Variants in KMT2D observed in about 807,000 individuals in gnomAD.
The protein encoded by KMT2D is lysine methyltransferase 2D, also known as histone-lysine N-methyltransferase 2D.
A neutral mutation model predicts 512.7 loss-of-function variants in KMT2D; 55 were observed. The ratio of observed to expected loss-of-function variants is 0.11; its 90% CI spans 0.09 to 0.13. The LOEUF (loss-of-function observed/expected upper bound fraction) is 0.13, where lower values mean the gene tolerates loss of function less well. KMT2D is among the 10% of genes least tolerant of loss of function. The pLI is 1.00. For missense variants in KMT2D, 6,061 were observed against 7,127.9 expected, an observed-to-expected ratio of 0.85 and a Z score of 5.39; for synonymous variants, 2,995 against 2,904.0, an observed-to-expected ratio of 1.03 and a Z score of -1.01.
rs1937916546 is a variant in KMT2D at position 49,050,715 on chromosome 12, T to C, written c.2873A>G (p.Glu958Gly). The C allele has an allele frequency of 1.2e-6, 2 of 1,613,472 alleles. No individual in the cohort carries two copies. Among genetic ancestry groups the C allele is most frequent in the Non-Finnish European group, 8.5e-7 (1 of 1,179,722 alleles). ...PPALSPLGEL[E>G]YPFGAKGDSD... ...GTCCCCTTTGGCACCAAAGGGGTAC[T>C]CTAACTCCCCCAAAGGAGACAGGGC... Residue 958 changes from glutamate (E) to glycine (G), a missense_variant, in exon 12 of 55, where the codon GAG becomes GGG. Physicochemically the swap from Glu to Gly is moderately conservative, Grantham distance 98. Transcript: ENST00000301067.
chr12:49,049,387 T>A (rs368796205), intron 12 of KMT2D, among the ~76,000 whole-genome samples, 169 bp from the exon 13 acceptor site: 1 of 152,148 alleles, frequency 6.6e-6, no homozygotes, highest in Admixed American at 6.5e-5. Flanking sequence ...AACAAGCGCA[T>A]AGCTCTAGCC....
Position 49,049,353 on chromosome 12 carries a change from G to A in KMT2D, c.3907-135C>T, listed in dbSNP as rs566752856. The A allele has an allele frequency of 2.0e-4, 127 of 631,824 alleles. 1 individual carries two copies. In the South Asian group the frequency reaches 2.8e-3, roughly 14 times the overall value. 39.1% of individuals were successfully genotyped at this position (631,824 alleles called of 1,614,324 possible). ...CCCAGGAGTCCCACTCAGGGCAAGG[G>A]AAAAGGCCAAACTCCCAGATATCAA... On this transcript the variant is annotated intron_variant, in intron 12 of 54. Transcript: ENST00000301067.
At position 49,041,394 on chromosome 12, in the gene KMT2D, T is replaced by C; in HGVS notation, c.6376A>G (p.Ile2126Val). The change falls in exon 32 of 55, where the codon ATT becomes GTT. Residue 2126 changes from isoleucine to valine, a missense_variant. This residue lies in a region of KMT2D where 710 missense variants were observed against 647.3 expected (regional missense o/e 1.10). Coordinates refer to ENST00000301067, the MANE Select transcript of KMT2D (RefSeq NM_003482.4). This position sits in a 1 kb window ranked among gnomAD's most constrained non-coding sequence, Gnocchi z 5.4. ...PPPAAAPTIF[I>V]GSPTTPAGLS... ...CCGGCGGGGGTAGTGGGGCTGCCAA[T>C]GAAAATGGTGGGGGCAGCAGCGGGG... 1.2e-6 allele frequency: 2 copies of C among 1,600,734 alleles called. No individual in the cohort carries two copies. Among genetic ancestry groups the C allele is most frequent in the Middle Eastern group, 1.7e-4 (1 of 5,982 alleles).
chr12:49,037,069 T>A (rs1346675782), intron 35 of KMT2D, 56 bp downstream of exon 35: 8 of 1,517,910 alleles, frequency 5.3e-6, no homozygotes, highest in Non-Finnish European at 8.8e-7. Context: ...CAGTGCCCAT[T>A]TAGGGATAAC....
chr12:49,033,675 A>G lies in KMT2D; in HGVS notation c.11030T>C (p.Leu3677Pro). ...QPGGPFLNTA[L>P]AQQQQQQHSG... ...ATGTTGCTGTTGCTGCTGTTGGGCC[A>G]GAGCTGTATTAAGGAAGGGGCCACC... Residue 3677 changes from leucine to proline, a missense_variant, in exon 40 of 55, where the codon CTG (leucine) becomes CCG (proline). Transcript: ENST00000301067. 1 of 1,613,658 alleles carries G rather than the reference A, an allele frequency of 6.2e-7. No homozygotes were observed. Among genetic ancestry groups the G allele is most frequent in the Non-Finnish European group, 8.5e-7 (1 of 1,179,846 alleles).
Position 49,046,884 on chromosome 12 carries a change from T to C in KMT2D, c.4237-94A>G, listed in dbSNP as rs569971756. ...TTTGGAGATGGAGTTTTGCTCTTGT[T>C]CCCCAGGCTGGAGTGCAATGGCGCG... On this transcript the variant is annotated intron_variant, in intron 15 of 54. Coordinates refer to ENST00000301067, the MANE Select transcript of KMT2D (RefSeq NM_003482.4). This position sits in a 1 kb window ranked among gnomAD's most constrained non-coding sequence, Gnocchi z 4.2. The C allele has an allele frequency of 1.6e-6, 2 of 1,216,688 alleles. No individual in the cohort carries two copies. Among genetic ancestry groups the C allele is most frequent in the African/African-American group, 1.5e-5 (1 of 65,600 alleles). 75.4% of individuals were successfully genotyped at this position (1,216,688 alleles called of 1,614,324 possible).
Position 49,022,259 on chromosome 12 carries a change from T to G in KMT2D, c.16412+21A>C, listed in dbSNP as rs1403325499. On this transcript the variant is annotated intron_variant, in intron 53 of 54. Coordinates refer to ENST00000301067, the MANE Select transcript of KMT2D (RefSeq NM_003482.4). The surrounding 1 kb of genome is among the most constrained non-coding windows in gnomAD (Gnocchi z 8.6). ...CCACTCTCAGGGACCACTAAATCCC[T>G]CCTTCCTCGTCATCTCTCACCTGGC... 4 of 1,589,648 alleles carry G rather than the reference T, an allele frequency of 2.5e-6. No homozygotes were observed. The South Asian group carries it at 4.5e-5, about 18-fold the overall frequency.
Position 49,022,273 on chromosome 12 carries a change from C to T in KMT2D, c.16412+7G>A, listed in dbSNP as rs1323404425. On this transcript the variant is annotated splice_region_variant and intron_variant, in intron 53 of 54. Transcript: ENST00000301067. The surrounding 1 kb of genome is among the most constrained non-coding windows in gnomAD (Gnocchi z 8.6). ...CACTAAATCCCTCCTTCCTCGTCAT[C>T]TCTCACCTGGCAGGGCCGCCGGTCA... is the stretch of plus-strand genomic sequence containing the variant. 1 of 1,604,794 alleles carries T rather than the reference C, an allele frequency of 6.2e-7. No individual in the cohort carries two copies. The highest frequency in any genetic ancestry group is 2.2e-5 in the East Asian group (1 of 44,598).
Position 49,022,863 on chromosome 12 carries a change from C to A in KMT2D, c.16065G>T (p.Leu5355=), listed in dbSNP as rs1166258271. 6.2e-7 allele frequency: 1 copy of A among 1,601,712 alleles called. No homozygotes were observed. The highest frequency in any genetic ancestry group is 1.3e-5 in the African/African-American group (1 of 74,864). ...ILTHYKRPHT[L]NSTSMSKAYQ... The stretch of plus-strand genomic sequence containing the variant: ...ATGCCTTAGACATGCTGGTGCTGTT[C>A]AGGGTATGGGGCCTGGGAGGTGATA... The change falls in exon 52 of 55, where the codon CTG becomes CTT. Residue 5355 remains leucine (L), a synonymous_variant. Transcript: ENST00000301067. The surrounding 1 kb of genome is among the most constrained non-coding windows in gnomAD (Gnocchi z 8.6).
Position 49,040,842 on chromosome 12 carries a change from G to A in KMT2D, c.6928C>T (p.Pro2310Ser), listed in dbSNP as rs1943481125. 6.2e-7 allele frequency: 1 copy of A among 1,613,676 alleles called. No individual in the cohort carries two copies. Among genetic ancestry groups the A allele is most frequent in the Non-Finnish European group, 8.5e-7 (1 of 1,179,770 alleles). Residue 2310 changes from proline to serine, a missense_variant, in exon 32 of 55, where the codon CCC becomes TCC. Transcript: ENST00000301067. ...GPPNLGFVDS[P>S]SSGTHLGGLE... Reference sequence around the variant, plus strand: ...CCACCCAGGTGGGTGCCTGAGGAGGGTGAGTCAACAAAGCCCAGGTTTGGG... The same window carrying A: ...CCACCCAGGTGGGTGCCTGAGGAGGATGAGTCAACAAAGCCCAGGTTTGGG...
intron 46 of KMT2D, 145 bp downstream of exon 46, chr12:49,028,683 C>T (rs1267637817): frequency 1.8e-6 from 2 of 1,092,768 alleles, no homozygotes; most frequent in Admixed American, 5.3e-5. Flanking sequence ...TTACCCGAAT[C>T]TCACAGCCTC....
Position 49,045,966 on chromosome 12 carries a change from C to T in KMT2D, c.4695G>A (p.Ala1565=), listed in dbSNP as rs368762696. Residue 1565 remains alanine, a splice_region_variant and synonymous_variant, in exon 19 of 55, where the codon GCG becomes GCA. Transcript: ENST00000301067. The part of the protein sequence containing the change: ...SCQPYVVKPV[A]PVAPPELVPM... ...GCACCAGCTCTGGAGGTGCAACAGGCGCTATGGAGAGAAGGACAAACGGAG... is the reference window on the plus strand; with the variant it reads ...GCACCAGCTCTGGAGGTGCAACAGGTGCTATGGAGAGAAGGACAAACGGAG... 79 of 1,613,944 alleles carry T rather than the reference C, an allele frequency of 4.9e-5. 1 individual carries two copies. The highest frequency in any genetic ancestry group is 2.5e-4 in the African/African-American group (19 of 75,044).
In KMT2D at chr12:49,037,164, T is replaced by C. The variant is rs75937132; in HGVS notation, c.10192A>G (p.Met3398Val). Residue 3398 changes from methionine to valine, a missense_variant, in exon 35 of 55, where the codon ATG (methionine) becomes GTG (valine). Met to Val is a conservative substitution (Grantham distance 21, BLOSUM62 1). Coordinates refer to ENST00000301067, the MANE Select transcript of KMT2D (RefSeq NM_003482.4). ...SMCMKPQQLA[M>V]QQQLANSFFP... ...AAGCTGTTTGCCAGCTGCTGCTGCA[T>C]TGCCAATTGCTGCGGCTTCATGCAC... 16,724 of 1,592,154 alleles carry C rather than the reference T, an allele frequency of 0.011. 101 individuals carry two copies. Among genetic ancestry groups the C allele is most frequent in the Non-Finnish European group, 0.012 (14,437 of 1,164,070 alleles).
At chr12:49,047,648 A>C (rs555445191) in intron 15 of KMT2D, among the ~76,000 whole-genome samples, 8 of 151,782 alleles carry the variant, frequency 5.3e-5, no homozygotes, top group Non-Finnish European at 1.2e-4. Flanking sequence ...CTGAACTCCT[A>C]ATCTCAGGTG....
At chr12:49,028,266 C>T (rs978297854) in intron 46 of KMT2D, 125 bp from the exon 47 acceptor site, 11 of 1,162,802 alleles carry the variant, frequency 9.5e-6, no homozygotes, top group Non-Finnish European at 1.3e-5. Context: ...TATCCTATGT[C>T]ACCCAGCTCT....
chr12:49,044,374 C>T lies in KMT2D; in HGVS notation c.5083+29G>A. On this transcript the variant is annotated intron_variant, in intron 21 of 54. Coordinates refer to ENST00000301067, the MANE Select transcript of KMT2D (RefSeq NM_003482.4). This position sits in a 1 kb window ranked among gnomAD's most constrained non-coding sequence, Gnocchi z 6.4. ...ATTGAGCTGCCCCGCACCACCCCAC[C>T]ACCCCACAACCCCATCCCAGGACCT... 1.2e-6 allele frequency: 2 copies of T among 1,613,804 alleles called. No individual in the cohort carries two copies. Among genetic ancestry groups the T allele is most frequent in the Non-Finnish European group, 1.7e-6 (2 of 1,179,780 alleles).
rs1237974090 is a variant in KMT2D at position 49,052,057 on chromosome 12, T to C, written c.1626A>G (p.Ala542=). 5 of 1,606,106 alleles carry C rather than the reference T, an allele frequency of 3.1e-6. No individual in the cohort carries two copies. In the Admixed American group the frequency reaches 8.4e-5, roughly 27 times the overall value. Residue 542 remains alanine (A), a synonymous_variant, in exon 11 of 55, where the codon GCA becomes GCG. Coordinates refer to ENST00000301067, the MANE Select transcript of KMT2D (RefSeq NM_003482.4). ...CTTCAAATGGTGGGGACAGGGGCGA[T>C]GCTTCAGGTGGTGGGGATAGAGGCG... ...LETPLSPPPE[A]SPLSPPFEES...
Position 49,050,800 on chromosome 12 carries a change from AAG to A in KMT2D, c.2798-12_2798-11del, listed in dbSNP as rs1937926440. 6.3e-7 allele frequency: 1 copy of A among 1,591,868 alleles called. No homozygotes were observed. ...GGAGGAGGAAGGGGATCTGGAAGGA[AAG>A]AGAAAAAAGAAGGGCTCTTAGATTA... On this transcript the variant is annotated splice_polypyrimidine_tract_variant and intron_variant, in intron 11 of 54. Transcript: ENST00000301067.
rs775828350 is a variant in KMT2D at position 49,024,776 on chromosome 12, C to T, written c.15921+34G>A. The T allele has an allele frequency of 1.7e-5, 28 of 1,608,326 alleles. No homozygotes were observed. In the South Asian group the frequency reaches 2.2e-4, roughly 13 times the overall value. On this transcript the variant is annotated intron_variant, in intron 50 of 54. Coordinates refer to ENST00000301067, the MANE Select transcript of KMT2D (RefSeq NM_003482.4). This position sits in a 1 kb window ranked among gnomAD's most constrained non-coding sequence, Gnocchi z 4.5. ...GGGTTAGGCCAAAGTTCTCAGTGCC[C>T]GCCAAGCCCCCCAGCTCCCAGCCCC...
Sources: allele counts gnomAD v4.1 joint callset (sites outside exome capture counted in the v4.1 genomes callset), GRCh38; gene constraint gnomAD v4.1.1; regional missense constraint gnomAD v4.1.1; non-coding constraint Gnocchi (gnomAD v3.1); transcripts MANE v1.5; gene names NCBI Gene and HGNC (gene_info 2026-07-23, HGNC 2026-07-21).